The following KCNG4 variants were observed in gnomAD, a reference collection of about 807,000 sequenced individuals.
The protein encoded by KCNG4 is voltage-gated potassium channel regulatory subunit KCNG4.
KCNG4 carries 30 observed loss-of-function variants against 28.2 expected under a neutral mutation model. That is an observed-to-expected ratio of 1.06 (90% CI 0.80 to 1.44). The LOEUF is 1.44. Ranked by LOEUF, KCNG4 falls within the 40% of genes most tolerant of loss-of-function variation. The pLI, the probability that KCNG4 is intolerant of heterozygous loss-of-function variation, is 0.00. For missense variants in KCNG4, 879 were observed against 712.3 expected (o/e 1.23, Z -2.66); for synonymous variants, 375 against 315.5 (o/e 1.19, Z -2.00).
rs767577171 is a variant in KCNG4, at chr16:84,237,487, G to A, written c.-2C>T. On this transcript the variant is annotated 5_prime_UTR_variant, in exon 2 of 3. Transcript: ENST00000308251. Reference sequence around the variant, plus strand: ...CCCGTCTCTGGAAGGCATGGGCATTGCTGAAGACCACCAGGTAGGAAGCGC... The same window carrying A: ...CCCGTCTCTGGAAGGCATGGGCATTACTGAAGACCACCAGGTAGGAAGCGC... 8.1e-6 allele frequency: 12 copies of A among 1,488,588 alleles called. No homozygotes were observed. The African/African-American group carries it at 1.7e-4, about 21-fold the overall frequency. 92.2% of individuals were successfully genotyped at this position (1,488,588 alleles called of 1,614,324 possible).
chr16:84,231,702 T>G lies in KCNG4; in HGVS notation c.756+5028A>C, dbSNP rs953780547. 5.3e-5 allele frequency among the ~76,000 whole-genome samples: 8 copies of G among 152,160 alleles called. No individual in the cohort carries two copies. The East Asian group carries it at 1.2e-3, about 22-fold the overall frequency. ...ACGTGACCTGCCCTGGATCTCCCAG[T>G]GCATTCAAGTGAGAGTCGGGGTCGG... On this transcript the variant is annotated intron_variant, in intron 2 of 2. Coordinates refer to ENST00000308251, the MANE Select transcript of KCNG4 (RefSeq NM_172347.3).
intron 2 of KCNG4, among the ~76,000 whole-genome samples, chr16:84,224,494 T>G (rs759965119): frequency 6.6e-6 from 1 of 152,054 alleles, no homozygotes; most frequent in Non-Finnish European, 1.5e-5. Context: ...CTTCTCTGTG[T>G]AAAAGGCAAG....
At chr16:84,236,678 C>A in intron 2 of KCNG4, 52 bp downstream of exon 2, 1 of 1,535,014 alleles carries the variant, frequency 6.5e-7, no homozygotes, top group African/African-American at 1.4e-5. Flanking sequence ...AAGACATCTC[C>A]GCCCAGGCAC....
rs2151340741 is a variant in KCNG4 at position 84,236,925 on chromosome 16, C to T, written c.561G>A (p.Gln187=). The T allele has an allele frequency of 1.9e-6, 3 of 1,613,596 alleles. No individual in the cohort carries two copies. Among genetic ancestry groups the T allele is most frequent in the East Asian group, 2.2e-5 (1 of 44,882 alleles). The part of the protein sequence containing the change: ...KLHREDVLRQ[Q]RETRRPASHS... ...GCGAGGCGGGGCGGCGGGTCTCCCTCTGCTGCCTCAGTACGTCCTCCCTGT... is the reference window on the plus strand; with the variant it reads ...GCGAGGCGGGGCGGCGGGTCTCCCTTTGCTGCCTCAGTACGTCCTCCCTGT... The change falls in exon 2 of 3, where the codon CAG becomes CAA. Residue 187 remains glutamine (Q), a synonymous_variant. Coordinates refer to ENST00000308251, the MANE Select transcript of KCNG4 (RefSeq NM_172347.3).
rs180980405 is a variant in KCNG4 at position 84,224,101 on chromosome 16, G to C, written c.757-1081C>G. Among the ~76,000 whole-genome samples, 207 of 152,248 alleles carry C rather than the reference G, an allele frequency of 1.4e-3. 1 individual carries two copies. Among genetic ancestry groups the C allele is most frequent in the African/African-American group, 4.3e-3 (179 of 41,552 alleles). On this transcript the variant is annotated intron_variant, in intron 2 of 2. Transcript: ENST00000308251. ...AAGCATCAGCCTCCCCGAGGAGCTT[G>C]TTAGAAACACAGCATCTCAGGCCCC...
Position 84,220,620 on chromosome 16 carries a change from T to G in KCNG4, c.*1597A>C. The G allele has an allele frequency of 6.6e-6, 1 of 152,382 alleles. No individual in the cohort carries two copies. Among genetic ancestry groups the G allele is most frequent in the South Asian group, 2.1e-4 (1 of 4,832 alleles). The allele number at this position is 152,382 out of a possible 1,614,324, so 9.4% of individuals were successfully genotyped here. A position where few individuals can be genotyped will look rare whatever the true frequency, so the allele number is the denominator to read the frequency against. The stretch of plus-strand genomic sequence containing the variant: ...ATTGGCAGGGCCGAAACCACTTCAC[T>G]GTCACCTGTTTTGATCTTGTGCACT... On this transcript the variant is annotated 3_prime_UTR_variant, in exon 3 of 3. Transcript: ENST00000308251.
At chr16:84,231,500 T>C (rs1192634345) in intron 2 of KCNG4, among the ~76,000 whole-genome samples, 1 of 151,980 alleles carries the variant, frequency 6.6e-6, no homozygotes, top group African/African-American at 2.4e-5. Context: ...GAGGGATGCA[T>C]GGCAGGGAGG....
At position 84,221,321 on chromosome 16, in the gene KCNG4, G is replaced by A. The variant is rs554879479; in HGVS notation, c.*896C>T. 2.0e-5 allele frequency: 3 copies of A among 152,414 alleles called. No individual in the cohort carries two copies. The highest frequency in any genetic ancestry group is 7.2e-5 in the African/African-American group (3 of 41,582). 9.4% of individuals were successfully genotyped at this position (152,414 alleles called of 1,614,324 possible). On this transcript the variant is annotated 3_prime_UTR_variant, in exon 3 of 3. Coordinates refer to ENST00000308251, the MANE Select transcript of KCNG4 (RefSeq NM_172347.3). ...GATGAAAAGCTAAGGCCCCTGCAGT[G>A]TGGGAGCAACCAGCAGCAGGAACGA...
Position 84,236,748 on chromosome 16 carries a change from G to C in KCNG4, c.738C>G (p.Leu246=). ...CGCTCACCTGGTCCTCCTCTGCCCT[G>C]AGGTCGGGCATGGTGCTGACACACA... ...VSLCVSTMPD[L]RAEEDQGECS... The change falls in exon 2 of 3, where the codon CTC becomes CTG. Residue 246 remains leucine, a synonymous_variant. Transcript: ENST00000308251. The C allele has an allele frequency of 6.2e-7, 1 of 1,612,894 alleles. No individual in the cohort carries two copies. The highest frequency in any genetic ancestry group is 1.3e-5 in the African/African-American group (1 of 75,058).
chr16:84,232,149 C>T (rs993968641), intron 2 of KCNG4, among the ~76,000 whole-genome samples: 2 of 152,112 alleles, frequency 1.3e-5, no homozygotes, highest in Non-Finnish European at 2.9e-5. Flanking sequence ...GTCTTTGGAA[C>T]GTGTCTTTCT....
In KCNG4 at chr16:84,222,524, G is replaced by T; in HGVS notation, c.1253C>A (p.Thr418Lys). Reference protein sequence around the residue: ...SYWWAIISMTTVGYGDMVPRS... With the variant: ...SYWWAIISMTKVGYGDMVPRS... Reference sequence around the variant, plus strand: ...GGGCACCATGTCCCCGTAGCCCACCGTTGTCATGGAGATGATGGCCCACCA... The same window carrying T: ...GGGCACCATGTCCCCGTAGCCCACCTTTGTCATGGAGATGATGGCCCACCA... Residue 418 changes from threonine (T) to lysine (K), a missense_variant, in exon 3 of 3, where the codon ACG becomes AAG. By Grantham distance (78) the Thr-to-Lys change is moderately conservative. Coordinates refer to ENST00000308251, the MANE Select transcript of KCNG4 (RefSeq NM_172347.3). The T allele has an allele frequency of 6.2e-7, 1 of 1,613,512 alleles. No individual in the cohort carries two copies. The highest frequency in any genetic ancestry group is 8.5e-7 in the Non-Finnish European group (1 of 1,179,826).
intron 2 of KCNG4, among the ~76,000 whole-genome samples, chr16:84,230,944 G>A (rs1485407342): frequency 6.6e-6 from 1 of 152,234 alleles, no homozygotes; most frequent in Non-Finnish European, 1.5e-5. Context: ...AAGACGCGCT[G>A]ACAGCCGGAG....
At chr16:84,239,216 T>C (rs1485670591) in intron 1 of KCNG4, among the ~76,000 whole-genome samples, 1 of 152,020 alleles carries the variant, frequency 6.6e-6, no homozygotes. Context: ...TTCACACTCT[T>C]GCTCCCTACA....
chr16:84,222,643 C>T lies in KCNG4; in HGVS notation c.1134G>A (p.Leu378=), dbSNP rs757376928. 3 of 1,613,302 alleles carry T rather than the reference C, an allele frequency of 1.9e-6. No homozygotes were observed. The South Asian group carries it at 3.3e-5, about 18-fold the overall frequency. ...TREFGLLLLF[L]AVAITLFSPL... ...GGGAGAAGAGGGTGATGGCCACGGC[C>T]AGGAAGAGAAGGAGCAGGCCGAACT... The change falls in exon 3 of 3, where the codon CTG becomes CTA. Residue 378 remains leucine (L), a synonymous_variant. Transcript: ENST00000308251.
Position 84,237,256 on chromosome 16 carries a change from A to C in KCNG4, c.230T>G (p.Leu77Arg), listed in dbSNP as rs1431367410. ...CAGGCGGCTCAGCGGGAACCGGTCCAGTGTGCTCCAGGGGAGGAGATACCT... is the reference window on the plus strand; with the variant it reads ...CAGGCGGCTCAGCGGGAACCGGTCCCGTGTGCTCCAGGGGAGGAGATACCT... ...GRRYLLPWSTLDRFPLSRLSK... is the reference protein window; with the variant it reads ...GRRYLLPWSTRDRFPLSRLSK... The change falls in exon 2 of 3, where the codon CTG becomes CGG. Residue 77 changes from leucine (L) to arginine (R), a missense_variant. Physicochemically the swap from Leu to Arg is moderately radical, Grantham distance 102. Transcript: ENST00000308251. 6.2e-7 allele frequency: 1 copy of C among 1,613,648 alleles called. No homozygotes were observed. The highest frequency in any genetic ancestry group is 8.5e-7 in the Non-Finnish European group (1 of 1,179,698).
Position 84,237,254 on chromosome 16 carries a change from C to G in KCNG4, c.232G>C (p.Asp78His). The change falls in exon 2 of 3, where the codon GAC (aspartate) becomes CAC (histidine). Residue 78 changes from aspartate to histidine, a missense_variant. Transcript: ENST00000308251. The part of the protein sequence containing the change: ...RRYLLPWSTL[D>H]RFPLSRLSKL... Reference sequence around the variant, plus strand: ...CTCAGGCGGCTCAGCGGGAACCGGTCCAGTGTGCTCCAGGGGAGGAGATAC... The same window carrying G: ...CTCAGGCGGCTCAGCGGGAACCGGTGCAGTGTGCTCCAGGGGAGGAGATAC... The G allele has an allele frequency of 6.2e-7, 1 of 1,613,484 alleles. No homozygotes were observed. Among genetic ancestry groups the G allele is most frequent in the Non-Finnish European group, 8.5e-7 (1 of 1,179,604 alleles).
intron 2 of KCNG4, among the ~76,000 whole-genome samples, chr16:84,229,913 G>A (rs1904786590): frequency 6.6e-6 from 1 of 152,230 alleles, no homozygotes; most frequent in Admixed American, 6.5e-5. Flanking sequence ...CAAGCACAGA[G>A]AAGCTCCAGA....
rs1334242435 is a variant in KCNG4, at chr16:84,222,891, T to C, written c.886A>G (p.Asn296Asp). The change falls in exon 3 of 3, where the codon AAC becomes GAC. Residue 296 changes from asparagine to aspartate, a missense_variant. Transcript: ENST00000308251. ...GAGATGGCCAGGATGTCGATGATGT[T>C]CAGGGGCCCCTGGAAGAACTGACAC... is the stretch of plus-strand genomic sequence containing the variant. ...DKCQFFQGPL[N>D]IIDILAISPY... is the part of the protein sequence containing the mutation. 1 of 1,611,924 alleles carries C rather than the reference T, an allele frequency of 6.2e-7. No individual in the cohort carries two copies. Among genetic ancestry groups the C allele is most frequent in the Non-Finnish European group, 8.5e-7 (1 of 1,178,576 alleles).
intron 1 of KCNG4, among the ~76,000 whole-genome samples, chr16:84,239,022 C>T (rs542353242): frequency 6.6e-6 from 1 of 152,328 alleles, no homozygotes; most frequent in East Asian, 1.9e-4. Context: ...TCAGATCCTG[C>T]AACCATTTCT....
Sources: allele counts gnomAD v4.1 joint callset (sites outside exome capture counted in the v4.1 genomes callset), GRCh38; gene constraint gnomAD v4.1.1; transcripts MANE v1.5; gene names NCBI Gene and HGNC (gene_info 2026-07-23, HGNC 2026-07-21).